The following FCRLB variants were observed in gnomAD, a reference collection of about 807,000 sequenced individuals.
FCRLB encodes Fc receptor-like B.
Under a neutral mutation model 33.6 loss-of-function variants are expected in FCRLB, and 34 were observed. The observed-to-expected ratio is 1.01, with a 90% CI of 0.77 to 1.35. The LOEUF is 1.35. Among genes scored for constraint, FCRLB ranks in the 40% most tolerant of loss-of-function variants. The pLI is 0.00. For synonymous variants in FCRLB, 280 were observed against 255.9 expected (o/e 1.09, Z -0.90); for missense variants, 560 against 580.2 (o/e 0.97, Z 0.36).
intron 5 of FCRLB, among the ~76,000 whole-genome samples, chr1:161,723,942 GT>G (rs1683458486): frequency 6.6e-6 from 1 of 152,184 alleles, no homozygotes; most frequent in African/African-American, 2.4e-5. Flanking sequence ...ACTTTAGGGG[GT>G]TGGGGAGGGA....
exon 5 of FCRLB, chr1:161,723,480 C>A (rs139092332): frequency 1.2e-6 from 2 of 1,614,190 alleles, no homozygotes; most frequent in Admixed American, 3.3e-5. Flanking sequence ...GGAGCTCCAG[C>A]CCATCAGCAC....
chr1:161,726,492 T>G lies in FCRLB; in HGVS notation c.575-211T>G. The G allele has an allele frequency of 1.3e-6, 1 of 778,362 alleles. No individual in the cohort carries two copies. The highest frequency in any genetic ancestry group is 2.2e-6 in the Non-Finnish European group (1 of 455,080). The allele number at this position is 778,362 out of a possible 1,614,324, so 48.2% of individuals were successfully genotyped here. A position where few individuals can be genotyped will look rare whatever the true frequency, so the allele number is the denominator to read the frequency against. ...GACATGAAGCGTCTGGCCTGGTCCCTCTTCCTTTCAAGCTTTCCCCGTCCC... is the reference window on the plus strand; with the variant it reads ...GACATGAAGCGTCTGGCCTGGTCCCGCTTCCTTTCAAGCTTTCCCCGTCCC... On this transcript the variant is annotated intron_variant, in intron 6 of 7. Coordinates refer to ENST00000367948, the Ensembl canonical transcript of FCRLB. The surrounding 1 kb of genome is among the most constrained non-coding windows in gnomAD (Gnocchi z 5.2).
rs560734720 is a variant in FCRLB at position 161,723,682 on chromosome 1, C to T, written c.307+61C>T. On this transcript the variant is annotated intron_variant, in intron 5 of 7. Coordinates refer to ENST00000367948, the Ensembl canonical transcript of FCRLB. ...TGTCTCCTCTGGCAATACTAGTCCTCTGGTGGGAGGGAACACTGGGCCAAT... is the reference window on the plus strand; with the variant it reads ...TGTCTCCTCTGGCAATACTAGTCCTTTGGTGGGAGGGAACACTGGGCCAAT... The T allele has an allele frequency of 6.4e-6, 10 of 1,574,278 alleles. No individual in the cohort carries two copies. In the East Asian group the frequency reaches 2.0e-4, roughly 32 times the overall value.
rs775434544 is a variant in FCRLB at position 161,723,448 on chromosome 1, ATGGATACCACCCAC to A, written c.137_150del (p.Gly46AlafsTer26). Reference sequence around the variant, plus strand: ...GGGGAGCGGGTAACTTTGAAGTGTGATGGATACCACCCACTGCTCCTGGAGCTCCAGCCCATCAG... The same window carrying A: ...GGGGAGCGGGTAACTTTGAAGTGTGATGCTCCTGGAGCTCCAGCCCATCAG... On this transcript the variant is annotated frameshift_variant, in exon 5 of 8. Transcript: ENST00000367948. LOFTEE classifies it high-confidence loss of function. The A allele has an allele frequency of 6.2e-7, 1 of 1,614,164 alleles. No homozygotes were observed. The highest frequency in any genetic ancestry group is 1.1e-5 in the South Asian group (1 of 91,080).
At chr1:161,722,749 T>C in intron 3 of FCRLB, 46 bp downstream of exon 3, 2 of 1,611,044 alleles carry the variant, frequency 1.2e-6, no homozygotes, top group African/African-American at 1.3e-5. Flanking sequence ...TGGTGGAGAA[T>C]AGGGTGGACC....
chr1:161,725,986 C>T (rs755108596), exon 6 of FCRLB: 2 of 1,614,180 alleles, frequency 1.2e-6, no homozygotes, highest in South Asian at 2.2e-5. Flanking sequence ...GTGTTACAGG[C>T]GCGTGCCAGC....
Position 161,727,014 on chromosome 1 carries a change from C to T in FCRLB, c.865+21C>T, listed in dbSNP as rs541548241. 10 of 1,485,002 alleles carry T rather than the reference C, an allele frequency of 6.7e-6. 1 individual carries two copies. The African/African-American group carries it at 9.9e-5, about 15-fold the overall frequency. 92.0% of individuals were successfully genotyped at this position (1,485,002 alleles called of 1,614,324 possible). The stretch of plus-strand genomic sequence containing the variant: ...GCCGGGTGAGTGCCTGCACACCCTC[C>T]CGGACGCCGACCCTGGCGGTCAGCC... On this transcript the variant is annotated intron_variant, in intron 7 of 7. Coordinates refer to ENST00000367948, the Ensembl canonical transcript of FCRLB.
At chr1:161,723,656 G>A (rs544043340) in intron 5 of FCRLB, 35 bp downstream of exon 5, 11 of 1,598,582 alleles carry the variant, frequency 6.9e-6, no homozygotes, top group East Asian at 4.5e-5. Context: ...GGGGGAGCAC[G>A]TGTCTCCTCT....
At chr1:161,722,351 G>A (rs1344804738) in intron 2 of FCRLB, among the ~76,000 whole-genome samples, 2 of 152,218 alleles carry the variant, frequency 1.3e-5, no homozygotes, top group Non-Finnish European at 2.9e-5. Flanking sequence ...TCATCTGCTG[G>A]AGCCTGGGGT....
exon 5 of FCRLB, chr1:161,723,587 C>A (rs544994907): frequency 1.2e-6 from 2 of 1,614,122 alleles, no homozygotes; most frequent in Non-Finnish European, 1.7e-6. Context: ...GGGGAGCACC[C>A]GTCAGTGACC....
At chr1:161,724,921 C>T (rs553257512) in intron 5 of FCRLB, among the ~76,000 whole-genome samples, 3 of 152,152 alleles carry the variant, frequency 2.0e-5, no homozygotes, top group Admixed American at 6.5e-5. Context: ...TAAGCCTAGA[C>T]ATGCAGGACA....
At chr1:161,722,577 A>G (rs1683405091) in intron 2 of FCRLB, 76 bp from the exon 3 acceptor site, 2 of 1,398,550 alleles carry the variant, frequency 1.4e-6, no homozygotes, top group Non-Finnish European at 2.0e-6. Flanking sequence ...GTCTCCTAGT[A>G]CTCAGTGGCA....
chr1:161,723,099 G>C lies in FCRLB; in HGVS notation c.52+90G>C, dbSNP rs1168141481. On this transcript the variant is annotated intron_variant, in intron 4 of 7. Coordinates refer to ENST00000367948, the Ensembl canonical transcript of FCRLB. The stretch of plus-strand genomic sequence containing the variant: ...TTTCAAGTAGACTCCTCACTTCTTG[G>C]CTGCGCTGGGATAGTGTCTCTTCCC... 5.3e-6 allele frequency: 8 copies of C among 1,499,204 alleles called. No individual in the cohort carries two copies. In the Admixed American group the frequency reaches 1.3e-4, roughly 25 times the overall value. 92.9% of individuals were successfully genotyped at this position (1,499,204 alleles called of 1,614,324 possible). A position where few individuals can be genotyped will look rare whatever the true frequency, so the allele number is the denominator to read the frequency against.
chr1:161,727,173 C>A, intron 7 of FCRLB, 74 bp from the exon 8 acceptor site: 5 of 1,477,424 alleles, frequency 3.4e-6, no homozygotes, highest in Non-Finnish European at 4.5e-6. Flanking sequence ...GCCCACCGCC[C>A]TACGCCCCTC....
exon 6 of FCRLB, chr1:161,725,842 C>A: frequency 6.2e-7 from 1 of 1,612,012 alleles, no homozygotes. Flanking sequence ...CTGCAAGTGC[C>A]CTATGCGCCA....
At position 161,726,807 on chromosome 1, in the gene FCRLB, A is replaced by G. The variant is rs748315880; in HGVS notation, c.679A>G (p.Lys227Glu). ...CTGCGACACGCGCCTGCACCCGCAG[A>G]AGCGCGACACGCCGCTGCAGTTCGC... Residue 227 changes from lysine to glutamate, a missense_variant, in exon 7 of 8, where the codon AAG (lysine) becomes GAG (glutamate). Coordinates refer to ENST00000367948, the Ensembl canonical transcript of FCRLB. The surrounding 1 kb of genome is among the most constrained non-coding windows in gnomAD (Gnocchi z 5.2). 5 of 1,563,764 alleles carry G rather than the reference A, an allele frequency of 3.2e-6. No homozygotes were observed. The African/African-American group carries it at 6.8e-5, about 21-fold the overall frequency.
At position 161,723,397 on chromosome 1, in the gene FCRLB, A is replaced by G. The variant is rs1307669029; in HGVS notation, c.83A>G (p.His28Arg). The G allele has an allele frequency of 3.7e-6, 6 of 1,613,996 alleles. No homozygotes were observed. In the African/African-American group the frequency reaches 5.3e-5, roughly 14 times the overall value. ...CTGGAGAAGCCCATATTGTCTCTAC[A>G]TCCACCTTGGACCACCATCTTCAAA... The change falls in exon 5 of 8, where the codon CAT (histidine) becomes CGT (arginine). Residue 28 changes from histidine to arginine, a missense_variant. Transcript: ENST00000367948.
chr1:161,727,118 T>G, intron 7 of FCRLB, 125 bp downstream of exon 7: 2 of 729,302 alleles, frequency 2.7e-6, no homozygotes, highest in Non-Finnish European at 3.4e-6. Context: ...CCATCTCCCC[T>G]TCGCCGCCCT....
At chr1:161,727,591 A>G (rs1487217756) in exon 8 of FCRLB, 1 of 1,614,104 alleles carries the variant, frequency 6.2e-7, no homozygotes, top group Non-Finnish European at 8.5e-7. Context: ...GCTCAGGGGA[A>G]CGCCCGAGAC....
Sources: allele counts gnomAD v4.1 joint callset (sites outside exome capture counted in the v4.1 genomes callset), GRCh38; gene constraint gnomAD v4.1.1; non-coding constraint Gnocchi (gnomAD v3.1); transcripts MANE v1.5; gene names NCBI Gene and HGNC (gene_info 2026-07-23, HGNC 2026-07-21).